Variants in FHIT observed in about 807,000 individuals in gnomAD.
The protein encoded by FHIT is fragile histidine triad diadenosine triphosphatase.
Under a neutral mutation model 17.9 loss-of-function variants are expected in FHIT, and 19 were observed. That is an observed-to-expected ratio of 1.06 (90% confidence interval 0.74 to 1.56). The LOEUF is 1.56. Ranked by LOEUF, FHIT falls within the 40% of genes most tolerant of loss-of-function variation. FHIT has a pLI of 0.00. For synonymous variants in FHIT, 81 were observed against 69.7 expected, an observed-to-expected ratio of 1.16 and a Z score of -0.81; for missense variants, 248 against 189.2, an observed-to-expected ratio of 1.31 and a Z score of -1.82.
intron 4 of FHIT, among the ~76,000 whole-genome samples, chr3:60,621,143 GATT>G (rs2039115262): frequency 2.0e-5 from 2 of 101,150 alleles, no homozygotes; most frequent in African/African-American, 7.2e-5. Flanking sequence ...GTCTACTTTT[GATT>G]TTTTTTTTTT....
intron 5 of FHIT, among the ~76,000 whole-genome samples, chr3:60,317,195 CT>C (rs34453102): frequency 1.6e-4 from 24 of 151,542 alleles, no homozygotes; most frequent in South Asian, 2.1e-4. Flanking sequence ...GTTCATATTC[CT>C]TTTTTTTCTT....
At chr3:61,092,473 A>G (rs1303234369) in intron 2 of FHIT, among the ~76,000 whole-genome samples, 1 of 151,734 alleles carries the variant, frequency 6.6e-6, no homozygotes, top group East Asian at 1.9e-4. Context: ...AAAAGGCCCC[A>G]GAGCTCTAAA....
intron 4 of FHIT, among the ~76,000 whole-genome samples, chr3:60,773,858 C>T (rs1700127704): frequency 6.6e-6 from 1 of 152,232 alleles, no homozygotes; most frequent in Non-Finnish European, 1.5e-5. Context: ...ATACCACCTT[C>T]TTTCATAAAG....
At chr3:60,001,638 G>T (rs1240145497) in intron 7 of FHIT, among the ~76,000 whole-genome samples, 2 of 152,098 alleles carry the variant, frequency 1.3e-5, no homozygotes, top group African/African-American at 4.8e-5. Context: ...TGCTACAGGG[G>T]TGATTAACTG....
At chr3:60,453,598 C>T (rs398322) in intron 5 of FHIT, among the ~76,000 whole-genome samples, 2 of 151,922 alleles carry the variant, frequency 1.3e-5, no homozygotes, top group Non-Finnish European at 2.9e-5. Context: ...GTTTCACCAT[C>T]AGTCCTGTTT....
intron 5 of FHIT, among the ~76,000 whole-genome samples, chr3:60,495,708 C>T (rs1168431397): frequency 1.3e-5 from 2 of 152,048 alleles, no homozygotes; most frequent in African/African-American, 4.8e-5. Context: ...CGGCCTTTTC[C>T]CACAGAATTT....
chr3:60,282,303 T>C (rs980754312), intron 5 of FHIT, among the ~76,000 whole-genome samples: 1 of 152,118 alleles, frequency 6.6e-6, no homozygotes, highest in Non-Finnish European at 1.5e-5. Context: ...AGAATACTAG[T>C]CTACAATTTT....
intron 4 of FHIT, among the ~76,000 whole-genome samples, chr3:60,562,031 C>T (rs1000562187): frequency 6.6e-6 from 1 of 152,094 alleles, no homozygotes; most frequent in Non-Finnish European, 1.5e-5. Flanking sequence ...CTAGTTATTA[C>T]CCGAAAACAT....
At chr3:60,312,781 T>C (rs1235726634) in intron 5 of FHIT, among the ~76,000 whole-genome samples, 1 of 152,146 alleles carries the variant, frequency 6.6e-6, no homozygotes, top group Non-Finnish European at 1.5e-5. Flanking sequence ...CATACGTATA[T>C]ACACACACAC....
At chr3:60,760,726 C>T (rs184725159) in intron 4 of FHIT, among the ~76,000 whole-genome samples, 4 of 152,200 alleles carry the variant, frequency 2.6e-5, no homozygotes, top group African/African-American at 9.6e-5. Context: ...GAAGACATGG[C>T]AACTTGAAAT....
At chr3:61,007,651 G>A (rs751581236) in intron 3 of FHIT, among the ~76,000 whole-genome samples, 32 of 152,028 alleles carry the variant, frequency 2.1e-4, no homozygotes, top group Non-Finnish European at 3.7e-4. Flanking sequence ...GGAAACGTGG[G>A]TTCCCTTATG....
intron 5 of FHIT, among the ~76,000 whole-genome samples, chr3:60,362,808 A>G (rs1576539695): frequency 6.6e-6 from 1 of 152,196 alleles, no homozygotes; most frequent in Non-Finnish European, 1.5e-5. Flanking sequence ...AGGGTACAGT[A>G]TACAAAAAGT....
chr3:59,796,348 G>A (rs1333515896), intron 8 of FHIT, among the ~76,000 whole-genome samples: 1 of 152,082 alleles, frequency 6.6e-6, no homozygotes, highest in African/African-American at 2.4e-5. Flanking sequence ...TTGGTCACAA[G>A]GGCTTCCTTT....
At chr3:59,900,745 C>G (rs1284448953) in intron 8 of FHIT, among the ~76,000 whole-genome samples, 1 of 152,158 alleles carries the variant, frequency 6.6e-6, no homozygotes, top group Non-Finnish European at 1.5e-5. Context: ...TCCTGAGTAA[C>G]TGTGATTACA....
At chr3:61,184,606 G>A (rs1459958342) in intron 2 of FHIT, among the ~76,000 whole-genome samples, 1 of 152,128 alleles carries the variant, frequency 6.6e-6, no homozygotes, top group African/African-American at 2.4e-5. Flanking sequence ...AACCAGAAGG[G>A]CCAGCATGCA....
chr3:60,740,940 G>C (rs1316370241), intron 4 of FHIT, among the ~76,000 whole-genome samples: 1 of 151,952 alleles, frequency 6.6e-6, no homozygotes, highest in Non-Finnish European at 1.5e-5. Flanking sequence ...TTTTTGTTTT[G>C]AGGCAAATGG....
intron 5 of FHIT, among the ~76,000 whole-genome samples, chr3:60,442,996 G>T (rs893760731): frequency 2.1e-4 from 32 of 152,056 alleles, no homozygotes; most frequent in Admixed American, 1.5e-3. Context: ...CACATCCCTT[G>T]TAAGTTGGAT....
intron 3 of FHIT, among the ~76,000 whole-genome samples, chr3:60,874,408 C>T (rs981810204): frequency 5.9e-5 from 9 of 152,130 alleles, no homozygotes; most frequent in Non-Finnish European, 1.2e-4. Flanking sequence ...TTCAAGAGCT[C>T]TGGGAACTCT....
chr3:61,029,685 G>T (rs1351765099), intron 3 of FHIT, among the ~76,000 whole-genome samples: 6 of 152,200 alleles, frequency 3.9e-5, no homozygotes, highest in Admixed American at 1.3e-4. Flanking sequence ...GGTAGGAAGA[G>T]AATTACATTC....
Sources: gnomAD v4.1 joint callset for allele counts (sites outside exome capture counted in the v4.1 genomes callset) on GRCh38, gnomAD v4.1.1 for gene constraint, MANE v1.5 for transcripts, NCBI Gene and HGNC (gene_info 2026-07-23, HGNC 2026-07-21) for gene names.